Variants in ERMP1 observed in about 807,000 individuals in gnomAD.
ERMP1 encodes endoplasmic reticulum metallopeptidase 1.
A neutral mutation model predicts 92.0 loss-of-function variants in ERMP1; 86 were observed. The ratio of observed to expected loss-of-function variants is 0.93; its 90% confidence interval spans 0.79 to 1.12. The LOEUF (loss-of-function observed/expected upper bound fraction) is 1.12, where lower values mean the gene tolerates loss of function less well. Among genes scored for constraint, ERMP1 ranks in the 50% most tolerant of loss-of-function variants. The pLI is 0.00. For synonymous variants in ERMP1, 530 were observed against 412.8 expected, an observed-to-expected ratio of 1.28 and a Z score of -3.44; for missense variants, 1,342 against 1,116.3, an observed-to-expected ratio of 1.20 and a Z score of -2.88.
At chr9:5,800,634 C>G (rs1398474314) in intron 11 of ERMP1, among the ~76,000 whole-genome samples, 2 of 152,114 alleles carry the variant, frequency 1.3e-5, no homozygotes, top group Non-Finnish European at 2.9e-5. Flanking sequence ...CAAGATCGTT[C>G]CACTGCACTC....
At chr9:5,804,948 T>C in intron 10 of ERMP1, 79 bp downstream of exon 10, 1 of 1,092,154 alleles carries the variant, frequency 9.2e-7, no homozygotes. Context: ...CACGTAACAC[T>C]ATTTCACAGA....
At chr9:5,801,549 C>A (rs1162751312) in intron 10 of ERMP1, among the ~76,000 whole-genome samples, 1 of 152,112 alleles carries the variant, frequency 6.6e-6, no homozygotes, top group Non-Finnish European at 1.5e-5. Flanking sequence ...TCCAATCTGC[C>A]ATGATGGTGC....
rs374404749 is a variant in ERMP1 at position 5,832,638 on chromosome 9, G to T, written c.338+52C>A. ...ACAGGTGCGGTGCCCCGGAGCCTGC[G>T]CAGGAGCCGCAAACGGACGCGCGGG... On this transcript the variant is annotated intron_variant, in intron 1 of 14. Coordinates refer to ENST00000339450, the MANE Select transcript of ERMP1 (RefSeq NM_024896.3). 6.1e-6 allele frequency: 8 copies of T among 1,319,818 alleles called. No homozygotes were observed. In the African/African-American group the frequency reaches 7.7e-5, roughly 13 times the overall value. 81.8% of individuals were successfully genotyped at this position (1,319,818 alleles called of 1,614,324 possible).
At chr9:5,835,130 T>C (rs1357082116), upstream of ERMP1, among the ~76,000 whole-genome samples, 1 of 152,160 alleles carries the variant, frequency 6.6e-6, no homozygotes, top group Non-Finnish European at 1.5e-5. Flanking sequence ...ATCATGATAA[T>C]CATAGAACTC....
At chr9:5,807,325 T>C (rs1279419377) in intron 8 of ERMP1, among the ~76,000 whole-genome samples, 1 of 152,244 alleles carries the variant, frequency 6.6e-6, no homozygotes, top group African/African-American at 2.4e-5. Context: ...TTCCAGTTAT[T>C]GGACTACCTC....
intron 6 of ERMP1, among the ~76,000 whole-genome samples, chr9:5,851,554 AG>A (rs1830307232): frequency 6.6e-6 from 1 of 152,208 alleles, no homozygotes; most frequent in African/African-American, 2.4e-5. Flanking sequence ...AGCCTTACAC[AG>A]GGTGGTGCTC....
chr9:5,836,862 C>A (rs1349536243), upstream of ERMP1, among the ~76,000 whole-genome samples: 1 of 152,128 alleles, frequency 6.6e-6, no homozygotes, highest in Non-Finnish European at 1.5e-5. Context: ...ATCTTCAGAG[C>A]TTTTCTACCC....
chr9:5,853,613 G>A (rs779839000), intron 6 of ERMP1, among the ~76,000 whole-genome samples: 20 of 151,972 alleles, frequency 1.3e-4, no homozygotes, highest in Non-Finnish European at 2.1e-4. Flanking sequence ...GGAAAGCCAG[G>A]CAGATGGGAG....
intron 13 of ERMP1, among the ~76,000 whole-genome samples, chr9:5,788,133 A>G (rs1219906713): frequency 6.6e-6 from 1 of 152,254 alleles, no homozygotes; most frequent in African/African-American, 2.4e-5. Flanking sequence ...TAAAACTAAA[A>G]TAGATAAAAC....
intron 11 of ERMP1, among the ~76,000 whole-genome samples, chr9:5,799,730 T>G (rs1828596942): frequency 6.6e-6 from 1 of 152,220 alleles, no homozygotes; most frequent in Admixed American, 6.5e-5. Flanking sequence ...ATCTTGTCCT[T>G]TACAGGAAAA....
At chr9:5,830,227 A>G (rs927606797) in intron 2 of ERMP1, among the ~76,000 whole-genome samples, 3 of 152,116 alleles carry the variant, frequency 2.0e-5, no homozygotes, top group Non-Finnish European at 4.4e-5. Context: ...TCATTAGTGT[A>G]TATTATGTGT....
At chr9:5,824,845 G>C (rs1347838369) in intron 3 of ERMP1, among the ~76,000 whole-genome samples, 2 of 152,186 alleles carry the variant, frequency 1.3e-5, no homozygotes, top group African/African-American at 2.4e-5. Context: ...ATGCCAGCGA[G>C]AGCCCTTCTC....
At chr9:5,808,598 T>G (rs186345710) in intron 8 of ERMP1, among the ~76,000 whole-genome samples, 3 of 152,238 alleles carry the variant, frequency 2.0e-5, no homozygotes. Flanking sequence ...CATTCTAATC[T>G]TTATCAGGAT....
At chr9:5,824,255 G>C (rs1185784702) in intron 3 of ERMP1, among the ~76,000 whole-genome samples, 1 of 152,124 alleles carries the variant, frequency 6.6e-6, no homozygotes, top group Non-Finnish European at 1.5e-5. Flanking sequence ...CAACATCCCT[G>C]GTAAGTACAA....
intron 4 of ERMP1, among the ~76,000 whole-genome samples, chr9:5,815,029 A>G (rs547692137): frequency 1.3e-5 from 2 of 152,298 alleles, no homozygotes; most frequent in African/African-American, 2.4e-5. Context: ...AAAGCATAAA[A>G]AGAAAAAAAG....
chr9:5,817,469 C>T (rs1439217393), intron 4 of ERMP1, among the ~76,000 whole-genome samples: 3 of 152,210 alleles, frequency 2.0e-5, no homozygotes, highest in East Asian at 1.9e-4. Flanking sequence ...GGATTACAGG[C>T]GTAAGCCACC....
At chr9:5,832,644 G>A (rs1161692650) in intron 1 of ERMP1, 46 bp downstream of exon 1, 1 of 1,335,154 alleles carries the variant, frequency 7.5e-7, no homozygotes, top group Non-Finnish European at 9.6e-7. Flanking sequence ...CTGCGCAGGA[G>A]CCGCAAACGG....
rs10975300 is a variant in ERMP1, at chr9:5,816,758, G to A, written c.875-3723C>T. Among the ~76,000 whole-genome samples, 657 of 152,238 alleles carry A rather than the reference G, an allele frequency of 4.3e-3. 3 individuals are homozygous for A. The highest frequency in any genetic ancestry group is 7.9e-3 in the South Asian group (38 of 4,818). ...ATTGTTGTAGAATTGACTAGTGTTC[G>A]GCAAGAAAAAAGAATGAACTACAGA... On this transcript the variant is annotated intron_variant, in intron 4 of 14. Coordinates refer to ENST00000339450, the MANE Select transcript of ERMP1 (RefSeq NM_024896.3).
chr9:5,815,893 C>G (rs962115273), intron 4 of ERMP1, among the ~76,000 whole-genome samples: 1 of 151,792 alleles, frequency 6.6e-6, no homozygotes, highest in Non-Finnish European at 1.5e-5. Flanking sequence ...TGGGGAAATA[C>G]GTACATTACG....
Sources: allele counts gnomAD v4.1 joint callset (sites outside exome capture counted in the v4.1 genomes callset), GRCh38; gene constraint gnomAD v4.1.1; transcripts MANE v1.5; gene names NCBI Gene and HGNC (gene_info 2026-07-23, HGNC 2026-07-21).